Variants in DACH1 observed in about 807,000 individuals in gnomAD.
DACH1 encodes the protein dachshund homolog 1.
Under a neutral mutation model 54.2 loss-of-function variants are expected in DACH1, and 12 were observed. The ratio of observed to expected loss-of-function variants is 0.22; its 90% CI spans 0.14 to 0.36. DACH1 has a LOEUF of 0.36. DACH1 is among the 10% of genes least tolerant of loss of function. The pLI, the probability that DACH1 is intolerant of heterozygous loss-of-function variation, is 1.00. For missense variants in DACH1, 805 were observed against 929.8 expected (o/e 0.87, Z 1.75); for synonymous variants, 386 against 366.2 (o/e 1.05, Z -0.62).
At chr13:71,850,838 A>C (rs1217071808) in intron 1 of DACH1, among the ~76,000 whole-genome samples, 3 of 152,226 alleles carry the variant, frequency 2.0e-5, no homozygotes, top group Non-Finnish European at 4.4e-5. Flanking sequence ...CAATAACTTT[A>C]AAATGCAACA....
At chr13:71,460,379 G>A (rs945221978) in intron 10 of DACH1, among the ~76,000 whole-genome samples, 1 of 152,024 alleles carries the variant, frequency 6.6e-6, no homozygotes, top group African/African-American at 2.4e-5. Context: ...TGAGACTCTT[G>A]TGGTGAGTGT....
intron 1 of DACH1, among the ~76,000 whole-genome samples, chr13:71,725,351 G>T (rs914352994): frequency 6.6e-6 from 1 of 151,956 alleles, no homozygotes; most frequent in Admixed American, 6.6e-5. Context: ...CCAAAATATC[G>T]AATTCTACTT....
At chr13:71,493,645 T>C (rs1164870772) in intron 6 of DACH1, among the ~76,000 whole-genome samples, 1 of 152,152 alleles carries the variant, frequency 6.6e-6, no homozygotes, top group Non-Finnish European at 1.5e-5. Context: ...GAACAACTTC[T>C]TTCTATTCAA....
chr13:71,585,276 A>G (rs757180907), intron 3 of DACH1, among the ~76,000 whole-genome samples: 1 of 152,162 alleles, frequency 6.6e-6, no homozygotes, highest in South Asian at 2.1e-4. Flanking sequence ...TCTCATGTGC[A>G]TGTGTGTATT....
chr13:71,491,370 G>GTA (rs540185790), intron 6 of DACH1, among the ~76,000 whole-genome samples: 16 of 151,840 alleles, frequency 1.1e-4, no homozygotes, highest in African/African-American at 2.9e-4. Flanking sequence ...GTAAAATTCT[G>GTA]TATATATATA....
chr13:71,493,713 T>C (rs1441232308), intron 6 of DACH1, among the ~76,000 whole-genome samples: 2 of 152,144 alleles, frequency 1.3e-5, no homozygotes, highest in African/African-American at 4.8e-5. Flanking sequence ...ACCACACAAA[T>C]GTAAAATTCC....
rs532578254 is a variant in DACH1, at chr13:71,673,185, C to T, written c.964+8610G>A. ...AAATTAAGTAGATGAGAGGACTGTC[C>T]AGAAGTCTAGTAATATGTGGTTATT... On this transcript the variant is annotated intron_variant, in intron 2 of 10. Coordinates refer to ENST00000613252, the MANE Select transcript of DACH1 (RefSeq NM_080759.6). 5.3e-5 allele frequency among the ~76,000 whole-genome samples: 8 copies of T among 151,976 alleles called. No individual in the cohort carries two copies. In the East Asian group the frequency reaches 1.6e-3, roughly 30 times the overall value.
intron 1 of DACH1, among the ~76,000 whole-genome samples, chr13:71,709,198 T>C (rs960310314): frequency 3.9e-5 from 6 of 152,064 alleles, no homozygotes; most frequent in East Asian, 1.9e-4. Context: ...ACTTAACTTA[T>C]ATATGTACTT....
chr13:71,649,274 G>A (rs891026649), intron 2 of DACH1, among the ~76,000 whole-genome samples: 1 of 152,126 alleles, frequency 6.6e-6, no homozygotes, highest in Non-Finnish European at 1.5e-5. Context: ...GCTCAACGAT[G>A]CACACACAAG....
At chr13:71,630,340 C>T (rs1003519374) in intron 3 of DACH1, among the ~76,000 whole-genome samples, 2 of 152,036 alleles carry the variant, frequency 1.3e-5, no homozygotes, top group Admixed American at 1.3e-4. Flanking sequence ...TAAAGTTGAT[C>T]CTATAATTAA....
chr13:71,464,765 T>G, intron 10 of DACH1: 2 of 452,670 alleles, frequency 4.4e-6, no homozygotes, highest in Non-Finnish European at 8.9e-6. Flanking sequence ...GCGGGTCACT[T>G]AAACTTAGAA....
intron 1 of DACH1, among the ~76,000 whole-genome samples, chr13:71,821,822 G>C (rs1288010050): frequency 6.6e-6 from 1 of 152,024 alleles, no homozygotes; most frequent in Admixed American, 6.6e-5. Flanking sequence ...CAGCACTTTG[G>C]GAAGCTGAGG....
chr13:71,448,625 C>T (rs1462547855), intron 10 of DACH1, among the ~76,000 whole-genome samples: 4 of 152,162 alleles, frequency 2.6e-5, no homozygotes, highest in Admixed American at 6.5e-5. Context: ...CTACATTAAA[C>T]ATGAGAAATA....
chr13:71,758,516 G>A (rs1022332442), intron 1 of DACH1, among the ~76,000 whole-genome samples: 2 of 152,140 alleles, frequency 1.3e-5, no homozygotes, highest in Non-Finnish European at 2.9e-5. Context: ...AATGCAGTGC[G>A]ACAGCTAGCA....
chr13:71,759,663 T>C (rs1457949440), intron 1 of DACH1, among the ~76,000 whole-genome samples: 1 of 152,204 alleles, frequency 6.6e-6, no homozygotes, highest in Non-Finnish European at 1.5e-5. Flanking sequence ...AACATGCATT[T>C]TATTGCCTTG....
At chr13:71,853,645 TA>T (rs1051927589) in intron 1 of DACH1, among the ~76,000 whole-genome samples, 7 of 152,138 alleles carry the variant, frequency 4.6e-5, no homozygotes, top group Non-Finnish European at 1.0e-4. Flanking sequence ...ATCTGATTTT[TA>T]AAAAAGAGAT....
At chr13:71,490,447 G>T (rs1167745793) in intron 6 of DACH1, among the ~76,000 whole-genome samples, 1 of 152,088 alleles carries the variant, frequency 6.6e-6, no homozygotes, top group Non-Finnish European at 1.5e-5. Flanking sequence ...GGGGAGTAAC[G>T]GCCAGAAGGC....
At chr13:71,686,408 G>T (rs1451184280) in intron 1 of DACH1, among the ~76,000 whole-genome samples, 1 of 152,098 alleles carries the variant, frequency 6.6e-6, no homozygotes, top group South Asian at 2.1e-4. Flanking sequence ...CGCCAGGGGG[G>T]TCTTCTTTCC....
intron 6 of DACH1, among the ~76,000 whole-genome samples, chr13:71,506,593 G>T (rs529517088): frequency 6.6e-6 from 1 of 151,876 alleles, no homozygotes; most frequent in African/African-American, 2.4e-5. Context: ...AGCCCGCATC[G>T]CCAAGTCAAT....
Sources: gnomAD v4.1 joint callset for allele counts (sites outside exome capture counted in the v4.1 genomes callset) on GRCh38, gnomAD v4.1.1 for gene constraint, MANE v1.5 for transcripts, NCBI Gene and HGNC (gene_info 2026-07-23, HGNC 2026-07-21) for gene names.